The following BBX variants were observed in gnomAD, a reference collection of about 807,000 sequenced individuals.
BBX encodes the protein BBX high mobility group box domain containing, also known as HMG box transcription factor BBX.
BBX carries 30 observed loss-of-function variants against 100.2 expected under a neutral mutation model. That is an observed-to-expected ratio of 0.30 (90% CI 0.22 to 0.41). The LOEUF is 0.41. Ranked by LOEUF, BBX falls within the 10% of genes least tolerant of loss-of-function variation. The probability of loss-of-function intolerance (pLI) is 1.00; values close to 1 mark genes in which losing one functional copy is unlikely to be tolerated. For missense variants in BBX, 1,023 were observed against 1,129.8 expected (o/e 0.91, Z 1.35); for synonymous variants, 376 against 388.1 (o/e 0.97, Z 0.37).
At chr3:107,671,979 C>G (rs115641862) in intron 3 of BBX, among the ~76,000 whole-genome samples, 1 of 152,136 alleles carries the variant, frequency 6.6e-6, no homozygotes, top group Non-Finnish European at 1.5e-5. Flanking sequence ...TAGAAAAGTC[C>G]TAAACACCAA....
At chr3:107,579,249 C>T (rs1216122203) in intron 2 of BBX, among the ~76,000 whole-genome samples, 1 of 152,122 alleles carries the variant, frequency 6.6e-6, no homozygotes, top group Non-Finnish European at 1.5e-5. Flanking sequence ...TCGTAAAGGG[C>T]GAGTAAGCAC....
At chr3:107,576,092 T>A (rs1181772727) in intron 2 of BBX, among the ~76,000 whole-genome samples, 1 of 152,106 alleles carries the variant, frequency 6.6e-6, no homozygotes, top group Non-Finnish European at 1.5e-5. Context: ...TAAAATTAGT[T>A]CAGAAAAATA....
chr3:107,611,019 G>C (rs1409160968), intron 2 of BBX, among the ~76,000 whole-genome samples: 1 of 151,774 alleles, frequency 6.6e-6, no homozygotes, highest in Non-Finnish European at 1.5e-5. Context: ...TTGTTCATCT[G>C]TTGTATGTTT....
intron 4 of BBX, among the ~76,000 whole-genome samples, chr3:107,714,230 T>C (rs1300745451): frequency 1.3e-5 from 2 of 151,990 alleles, no homozygotes; most frequent in African/African-American, 4.8e-5. Flanking sequence ...CACCCCACCT[T>C]GGCCTCCCAA....
chr3:107,728,616 G>A, intron 5 of BBX, 149 bp from the exon 6 acceptor site: 1 of 665,916 alleles, frequency 1.5e-6, no homozygotes, highest in Non-Finnish European at 2.6e-6. Flanking sequence ...CCTATGCTGA[G>A]ATTGTCATTC....
chr3:107,660,027 G>A lies in BBX; in HGVS notation c.-10+14118G>A, dbSNP rs138434635. Among the ~76,000 whole-genome samples, 1,018 of 152,170 alleles carry A rather than the reference G, an allele frequency of 6.7e-3. 6 individuals are homozygous for A. Among genetic ancestry groups the A allele is most frequent in the Non-Finnish European group, 0.011 (780 of 67,984 alleles). ...TTTCTAATGATGACACTGAGGTTCA[G>A]GAAAATCCTCAAGTACCACTTGAGC... is the stretch of plus-strand genomic sequence containing the variant. On this transcript the variant is annotated intron_variant, in intron 3 of 17. Coordinates refer to ENST00000325805, the MANE Select transcript of BBX (RefSeq NM_001142568.3).
chr3:107,659,114 T>G (rs2058305148), intron 3 of BBX, among the ~76,000 whole-genome samples: 1 of 151,968 alleles, frequency 6.6e-6, no homozygotes, highest in Non-Finnish European at 1.5e-5. Context: ...GCATTCTTCT[T>G]TATATTTAAT....
chr3:107,603,078 C>T (rs149084942), intron 2 of BBX, among the ~76,000 whole-genome samples: 1,736 of 152,226 alleles, frequency 0.011, 37 homozygotes, highest in African/African-American at 0.04. Context: ...ATTCTCCTGC[C>T]TCAGCCTCCC....
rs1389796 is a variant in BBX, at chr3:107,784,013, C to T, written c.2203+5494C>T. Among the ~76,000 whole-genome samples, 328 of 152,048 alleles carry T rather than the reference C, an allele frequency of 2.2e-3. 2 individuals carry two copies. The highest frequency in any genetic ancestry group is 3.4e-3 in the Non-Finnish European group (234 of 67,884). Reference sequence around the variant, plus strand: ...ACAGCTGTAATTTCTTGAGCTCTTACTTTGTGATAAGCAGTGCATTAAGAG... The same window carrying T: ...ACAGCTGTAATTTCTTGAGCTCTTATTTTGTGATAAGCAGTGCATTAAGAG... On this transcript the variant is annotated intron_variant, in intron 13 of 17. Coordinates refer to ENST00000325805, the MANE Select transcript of BBX (RefSeq NM_001142568.3).
At chr3:107,725,093 A>G (rs2062820700) in intron 5 of BBX, among the ~76,000 whole-genome samples, 2 of 152,056 alleles carry the variant, frequency 1.3e-5, no homozygotes, top group Admixed American at 1.3e-4. Flanking sequence ...CTGAGCAGTG[A>G]TTTGTAGTTC....
chr3:107,707,761 T>C (rs915245170), intron 3 of BBX, among the ~76,000 whole-genome samples: 1 of 152,214 alleles, frequency 6.6e-6, no homozygotes, highest in African/African-American at 2.4e-5. Context: ...ATAACCCTCA[T>C]TAATTTGATT....
chr3:107,529,540 A>G (rs1174671865), intron 2 of BBX, among the ~76,000 whole-genome samples: 1 of 152,220 alleles, frequency 6.6e-6, no homozygotes, highest in Non-Finnish European at 1.5e-5. Context: ...AAAGACTGAG[A>G]CTGAATGGAG....
rs750896732 is a variant in BBX, at chr3:107,773,293, C to T, written c.1572C>T (p.Ala524=). 3.7e-6 allele frequency: 6 copies of T among 1,613,872 alleles called. No homozygotes were observed. The highest frequency in any genetic ancestry group is 4.2e-6 in the Non-Finnish European group (5 of 1,179,982). Reference sequence around the variant, plus strand: ...GTGGCAAGGGAAGCATTTTGGATGCCAAGCCACCAAAGAAAAAAGTGAAAT... The same window carrying T: ...GTGGCAAGGGAAGCATTTTGGATGCTAAGCCACCAAAGAAAAAAGTGAAAT... The part of the protein sequence containing the change: ...SSSGKGSILD[A]KPPKKKVKSR... The change falls in exon 11 of 18, where the codon GCC becomes GCT. Residue 524 remains alanine (A), a synonymous_variant. Transcript: ENST00000325805. The surrounding 1 kb of genome is among the most constrained non-coding windows in gnomAD (Gnocchi z 4.1).
intron 1 of BBX, chr3:107,523,670 G>C (rs937183465): frequency 2.0e-5 from 3 of 152,510 alleles, no homozygotes; most frequent in African/African-American, 7.2e-5. Flanking sequence ...AGCCCTGCCT[G>C]GTCTCGGCTG....
At chr3:107,743,918 G>GTTTTTTTTTTT (rs34762783) in intron 7 of BBX, among the ~76,000 whole-genome samples, 19 of 56,622 alleles carry the variant, frequency 3.4e-4, no homozygotes, top group East Asian at 7.9e-4. Context: ...TGTTTTAGTG[G>GTTTTTTTTTTT]TTTTTTTTTT....
intron 7 of BBX, among the ~76,000 whole-genome samples, chr3:107,743,563 A>G (rs540351550): frequency 6.6e-6 from 1 of 152,228 alleles, no homozygotes; most frequent in South Asian, 2.1e-4. Flanking sequence ...TAAAATTTCA[A>G]ATGTTTGCTC....
At chr3:107,651,050 C>G (rs1226851164) in intron 3 of BBX, among the ~76,000 whole-genome samples, 1 of 152,130 alleles carries the variant, frequency 6.6e-6, no homozygotes, top group African/African-American at 2.4e-5. Context: ...GGGATTAGGG[C>G]CCCACCCATA....
intron 2 of BBX, among the ~76,000 whole-genome samples, chr3:107,591,963 GCT>G (rs1401672053): frequency 6.6e-6 from 1 of 152,172 alleles, no homozygotes; most frequent in Non-Finnish European, 1.5e-5. Flanking sequence ...GTGTCTTTAT[GCT>G]GGTTAGCATT....
chr3:107,603,408 T>C (rs553704227), intron 2 of BBX, among the ~76,000 whole-genome samples: 33 of 152,234 alleles, frequency 2.2e-4, no homozygotes, highest in Middle Eastern at 6.8e-3. Context: ...AGACGGAGTC[T>C]CGCTCTGTCG....
Sources: gnomAD v4.1 joint callset for allele counts (sites outside exome capture counted in the v4.1 genomes callset) on GRCh38, gnomAD v4.1.1 for gene constraint, Gnocchi (gnomAD v3.1) non-coding constraint, MANE v1.5 for transcripts, NCBI Gene and HGNC (gene_info 2026-07-23, HGNC 2026-07-21) for gene names.